PUM2: variants seen among roughly 807,000 people sequenced by gnomAD.
PUM2 encodes pumilio homolog 2.
PUM2 carries 57 observed loss-of-function variants against 124.5 expected under a neutral mutation model. That is an observed-to-expected ratio of 0.46 (90% CI 0.37 to 0.57). PUM2 has a LOEUF of 0.57. Ranked by LOEUF, PUM2 falls within the 20% of genes least tolerant of loss-of-function variation. The pLI is 0.00. For synonymous variants in PUM2, 460 were observed against 446.1 expected (o/e 1.03, Z -0.39); for missense variants, 1,065 against 1,290.6 (o/e 0.83, Z 2.68).
chr2:20,302,446 T>C (rs1007013072), intron 7 of PUM2, among the ~76,000 whole-genome samples: 2 of 152,232 alleles, frequency 1.3e-5, no homozygotes, highest in East Asian at 3.8e-4. Flanking sequence ...AAATCTTTTA[T>C]GCTTTTGTTT....
intron 12 of PUM2, 98 bp downstream of exon 12, chr2:20,282,849 T>A: frequency 7.6e-7 from 1 of 1,315,240 alleles, no homozygotes. Flanking sequence ...ATTCCTGTCC[T>A]TCCTATCCTA....
intron 1 of PUM2, among the ~76,000 whole-genome samples, chr2:20,346,377 T>C (rs1425473772): frequency 1.3e-5 from 2 of 152,232 alleles, no homozygotes; most frequent in Non-Finnish European, 2.9e-5. Context: ...TGTATACATT[T>C]TTGGTATTTA....
intron 7 of PUM2, among the ~76,000 whole-genome samples, chr2:20,300,322 T>C (rs1179501736): frequency 6.6e-6 from 1 of 152,166 alleles, no homozygotes; most frequent in African/African-American, 2.4e-5. Context: ...GCTAATTTTG[T>C]ATTTTTAGTA....
At chr2:20,342,872 A>G (rs1573027035) in intron 1 of PUM2, among the ~76,000 whole-genome samples, 2 of 152,352 alleles carry the variant, frequency 1.3e-5, no homozygotes, top group South Asian at 2.1e-4. Context: ...TAAAAAGGCA[A>G]GTTATTACAT....
At position 20,350,384 on chromosome 2, in the gene PUM2, C is replaced by A. The variant is rs944495793; in HGVS notation, c.-19+213G>T. 32 of 783,540 alleles carry A rather than the reference C, an allele frequency of 4.1e-5. No individual in the cohort carries two copies. In the African/African-American group the frequency reaches 5.8e-4, roughly 14 times the overall value. The allele number at this position is 783,540 out of a possible 1,614,324, so 48.5% of individuals were successfully genotyped here. On this transcript the variant is annotated intron_variant, in intron 1 of 20. Coordinates refer to ENST00000361078, the MANE Select transcript of PUM2 (RefSeq NM_015317.5). ...GGAAGCGGGAAAGCGGCCGGCGCGGCGCCCCCTCCCCCGCACGCGCACACC... is the reference window on the plus strand; with the variant it reads ...GGAAGCGGGAAAGCGGCCGGCGCGGAGCCCCCTCCCCCGCACGCGCACACC...
At chr2:20,323,512 A>C (rs2148806406) in intron 2 of PUM2, among the ~76,000 whole-genome samples, 1 of 152,068 alleles carries the variant, frequency 6.6e-6, no homozygotes, top group South Asian at 2.1e-4. Context: ...AGGTATCTTC[A>C]CTACCAACAG....
At chr2:20,315,773 C>T (rs1435285723) in intron 3 of PUM2, among the ~76,000 whole-genome samples, 1 of 127,072 alleles carries the variant, frequency 7.9e-6, no homozygotes, top group East Asian at 2.3e-4. Flanking sequence ...CAAGCCTCGG[C>T]AACATGGTGA....
Position 20,297,624 on chromosome 2 carries a change from ATG to A in PUM2, c.936_937del (p.Ile313TyrfsTer2). On this transcript the variant is annotated frameshift_variant, in exon 8 of 21. Transcript: ENST00000361078. LOFTEE classifies it high-confidence loss of function. ...GGTCCCTGGAGGAGCAGCACTAATA[ATG>A]TATGGATTTGGCACAAATGCAGCTG... is the stretch of plus-strand genomic sequence containing the variant. 6.2e-7 allele frequency: 1 copy of A among 1,613,170 alleles called. No individual in the cohort carries two copies. The highest frequency in any genetic ancestry group is 8.5e-7 in the Non-Finnish European group (1 of 1,179,098).
chr2:20,314,922 T>C (rs1181888401), intron 3 of PUM2, among the ~76,000 whole-genome samples: 1 of 151,100 alleles, frequency 6.6e-6, no homozygotes, highest in East Asian at 1.9e-4. Flanking sequence ...CTATGAGATC[T>C]GAAAGATGGG....
chr2:20,260,272 C>T, intron 15 of PUM2, 65 bp downstream of exon 15: 2 of 1,422,764 alleles, frequency 1.4e-6, no homozygotes, highest in Non-Finnish European at 1.9e-6. Context: ...ACTTTCAGAG[C>T]TTTTCTTAGC....
chr2:20,270,144 T>C (rs956247476), intron 13 of PUM2, among the ~76,000 whole-genome samples: 3 of 152,184 alleles, frequency 2.0e-5, no homozygotes, highest in Admixed American at 1.3e-4. Context: ...GTAGTAGTAG[T>C]AGGATGAGTT....
intron 15 of PUM2, among the ~76,000 whole-genome samples, chr2:20,259,321 T>C (rs1665610137): frequency 6.6e-6 from 1 of 152,234 alleles, no homozygotes; most frequent in Non-Finnish European, 1.5e-5. Flanking sequence ...AGCTAGGTGA[T>C]TGAGTAGCAT....
At chr2:20,252,324 A>G (rs1220730089) in intron 20 of PUM2, among the ~76,000 whole-genome samples, 1 of 152,176 alleles carries the variant, frequency 6.6e-6, no homozygotes, top group Non-Finnish European at 1.5e-5. Flanking sequence ...AAGTGGGAGG[A>G]TGGCTTGAGC....
chr2:20,343,907 C>G (rs1353720728), intron 1 of PUM2, among the ~76,000 whole-genome samples: 1 of 151,874 alleles, frequency 6.6e-6, no homozygotes, highest in Non-Finnish European at 1.5e-5. Flanking sequence ...CCAGCCCCAG[C>G]AACACGATGA....
chr2:20,303,832 C>A (rs1321464634), intron 7 of PUM2, among the ~76,000 whole-genome samples: 1 of 152,188 alleles, frequency 6.6e-6, no homozygotes, highest in Non-Finnish European at 1.5e-5. Flanking sequence ...GAAATGGCTC[C>A]TTTTCACAGC....
intron 13 of PUM2, among the ~76,000 whole-genome samples, chr2:20,276,468 T>C (rs1359694560): frequency 1.3e-5 from 2 of 152,064 alleles, no homozygotes; most frequent in African/African-American, 4.8e-5. Context: ...CTAATGAGAA[T>C]TGAGAGAACT....
chr2:20,295,518 G>A lies in PUM2; in HGVS notation c.1010-1000C>T, dbSNP rs140066680. Reference sequence around the variant, plus strand: ...CTGAAATGAGGACTATTAAAACACCGAATAGAGTTTACCAAAAAAAGGGTA... The same window carrying A: ...CTGAAATGAGGACTATTAAAACACCAAATAGAGTTTACCAAAAAAAGGGTA... On this transcript the variant is annotated intron_variant, in intron 8 of 20. Coordinates refer to ENST00000361078, the MANE Select transcript of PUM2 (RefSeq NM_015317.5). 4.5e-4 allele frequency among the ~76,000 whole-genome samples: 68 copies of A among 151,448 alleles called. 1 individual carries two copies. The East Asian group carries it at 7.5e-3, about 17-fold the overall frequency.
At position 20,251,544 on chromosome 2, in the gene PUM2, T is replaced by C. The variant is rs1297771407; in HGVS notation, c.*41A>G. 3 of 1,570,856 alleles carry C rather than the reference T, an allele frequency of 1.9e-6. No individual in the cohort carries two copies. The highest frequency in any genetic ancestry group is 3.7e-5 in the Admixed American group (2 of 54,566). ...ATAATTCACACACAAAAAAATTCTTTTCACATGGTTAAATTATCTTCTTTC... is the reference window on the plus strand; with the variant it reads ...ATAATTCACACACAAAAAAATTCTTCTCACATGGTTAAATTATCTTCTTTC... On this transcript the variant is annotated 3_prime_UTR_variant, in exon 21 of 21. Transcript: ENST00000361078.
intron 10 of PUM2, among the ~76,000 whole-genome samples, chr2:20,289,546 A>G (rs1237806270): frequency 6.6e-6 from 1 of 152,164 alleles, no homozygotes; most frequent in Non-Finnish European, 1.5e-5. Context: ...GCTGGGGTAT[A>G]AAAAATAAAA....
Sources: gnomAD v4.1 joint callset for allele counts (sites outside exome capture counted in the v4.1 genomes callset) on GRCh38, gnomAD v4.1.1 for gene constraint, MANE v1.5 for transcripts, NCBI Gene and HGNC (gene_info 2026-07-23, HGNC 2026-07-21) for gene names.